UNC79: variants seen among roughly 807,000 people sequenced by gnomAD.
The protein encoded by UNC79 is protein unc-79 homolog.
A neutral mutation model predicts 283.1 loss-of-function variants in UNC79; 37 were observed. The observed-to-expected ratio is 0.13, with a 90% confidence interval of 0.10 to 0.17. The LOEUF is 0.17. Ranked by LOEUF, UNC79 falls within the 10% of genes least tolerant of loss-of-function variation. The pLI is 1.00. For synonymous variants in UNC79, 1,107 were observed against 1,200.2 expected (o/e 0.92, Z 1.61); for missense variants, 2,272 against 3,211.1 (o/e 0.71, Z 7.07).
intron 7 of UNC79, among the ~76,000 whole-genome samples, chr14:93,513,080 T>G (rs2059900976): frequency 6.6e-6 from 1 of 152,176 alleles, no homozygotes; most frequent in South Asian, 2.1e-4. Context: ...GCTTTATTTA[T>G]TTTTATTTTA....
chr14:93,551,923 A>G lies in UNC79; in HGVS notation c.1755+9227A>G, dbSNP rs982349378. Among the ~76,000 whole-genome samples the G allele has an allele frequency of 2.6e-5, 4 of 152,228 alleles. No homozygotes were observed. The East Asian group carries it at 7.7e-4, about 29-fold the overall frequency. On this transcript the variant is annotated intron_variant, in intron 14 of 48. Transcript: ENST00000555664. ...TGTCCCTGTCTAACCTCAGAGGAAC[A>G]TAGAAATCTCTCACTGACTGTTCTA...
chr14:93,682,786 G>A, intron 42 of UNC79, 92 bp downstream of exon 45: 1 of 1,253,452 alleles, frequency 8.0e-7, no homozygotes, highest in South Asian at 1.3e-5. Flanking sequence ...AGGGTTTGAG[G>A]CCTGCCATTT....
intron 25 of UNC79, 139 bp downstream of exon 25, chr14:93,600,909 A>C: frequency 1.2e-6 from 1 of 859,966 alleles, no homozygotes; most frequent in Non-Finnish European, 1.8e-6. Context: ...TTAAATGATT[A>C]TTGAATAGCT....
intron 35 of UNC79, among the ~76,000 whole-genome samples, chr14:93,650,256 A>G (rs1294594921): frequency 6.6e-6 from 1 of 152,090 alleles, no homozygotes; most frequent in East Asian, 1.9e-4. Flanking sequence ...AAAAAAATAG[A>G]TCTATTGTGA....
intron 1 of UNC79, 25 bp from the exon 2 acceptor site, chr14:93,467,646 T>TGG: frequency 9.1e-7 from 1 of 1,099,322 alleles, no homozygotes. Context: ...TTTTTTTTTT[T>TGG]TTTTTTTTTT....
chr14:93,514,207 G>A (rs1449217219), intron 7 of UNC79, among the ~76,000 whole-genome samples: 1 of 152,104 alleles, frequency 6.6e-6, no homozygotes, highest in East Asian at 1.9e-4. Context: ...AGGGAAAAAG[G>A]AAAAGACATT....
At chr14:93,682,217 G>T (rs1210026732) in intron 41 of UNC79, among the ~76,000 whole-genome samples, 3 of 152,148 alleles carry the variant, frequency 2.0e-5, no homozygotes, top group Non-Finnish European at 4.4e-5. Flanking sequence ...GAGGTTGATT[G>T]TTTTTCTGGT....
chr14:93,480,734 G>A (rs56728875), intron 4 of UNC79, among the ~76,000 whole-genome samples: 2,139 of 152,146 alleles, frequency 0.014, 53 homozygotes, highest in African/African-American at 0.049. Context: ...TCCGTGTGTC[G>A]TATTCATGTT....
intron 1 of UNC79, among the ~76,000 whole-genome samples, chr14:93,409,414 G>A (rs1472546625): frequency 1.3e-5 from 2 of 152,210 alleles, no homozygotes; most frequent in African/African-American, 4.8e-5. Context: ...GGTATAGCCA[G>A]GTGCAGTGGC....
At chr14:93,558,405 AATT>A (rs1223566398) in intron 14 of UNC79, among the ~76,000 whole-genome samples, 1 of 151,738 alleles carries the variant, frequency 6.6e-6, no homozygotes, top group Non-Finnish European at 1.5e-5. Flanking sequence ...AAATACAAAA[AATT>A]AGCCCGGTGC....
At chr14:93,618,048 C>A in intron 28 of UNC79, 144 bp from the exon 30 acceptor site, 1 of 855,872 alleles carries the variant, frequency 1.2e-6, no homozygotes, top group South Asian at 2.1e-5. Flanking sequence ...AGGCCATGAG[C>A]AGAATTTGTT....
chr14:93,576,990 T>C (rs1041875088), intron 17 of UNC79, among the ~76,000 whole-genome samples: 27 of 132,140 alleles, frequency 2.0e-4, no homozygotes, highest in African/African-American at 5.5e-4. Flanking sequence ...TACAAAAAAA[T>C]TTTCAAAAAC....
chr14:93,639,425 C>A (rs2068817356), intron 32 of UNC79, among the ~76,000 whole-genome samples: 1 of 152,158 alleles, frequency 6.6e-6, no homozygotes, highest in African/African-American at 2.4e-5. Context: ...CTTCATTTAT[C>A]TTGGACTATT....
rs2068609890 is a variant in UNC79, at chr14:93,637,478, C to T, written c.5800+179C>T. The T allele has an allele frequency of 1.3e-5, 14 of 1,093,902 alleles. No individual in the cohort carries two copies. The South Asian group carries it at 1.3e-4, about 10-fold the overall frequency. 67.8% of individuals were successfully genotyped at this position (1,093,902 alleles called of 1,614,324 possible). ...ACATCTCATCTTTGAACATGGCCAA[C>T]AGTTCTTCCTTATAGTGACTTTCTA... On this transcript the variant is annotated intron_variant, in intron 32 of 48. Transcript: ENST00000555664.
chr14:93,695,383 G>C (rs1395877359), intron 47 of UNC79, among the ~76,000 whole-genome samples: 1 of 152,164 alleles, frequency 6.6e-6, no homozygotes, highest in Non-Finnish European at 1.5e-5. Context: ...GGGAAAACTT[G>C]ACTGTTACCA....
At chr14:93,635,551 C>G (rs1248808098) in intron 31 of UNC79, among the ~76,000 whole-genome samples, 1 of 152,048 alleles carries the variant, frequency 6.6e-6, no homozygotes, top group Non-Finnish European at 1.5e-5. Flanking sequence ...TCCACAAAAG[C>G]AAAATATTGA....
rs1295418639 is a variant in UNC79, at chr14:93,368,089, CTTTA to C, written c.-351+34567_-351+34570del. ...TCTGCTATATGACTTATCCTGGGAC[CTTTA>C]GTTAGGCCTGTTCTTCCAGTTTTGT... On this transcript the variant is annotated intron_variant, in intron 1 of 49. Coordinates refer to the UNC79 transcript ENST00000256339. 2.0e-5 allele frequency among the ~76,000 whole-genome samples: 3 copies of C among 152,286 alleles called. No homozygotes were observed. In the East Asian group the frequency reaches 5.8e-4, roughly 29 times the overall value.
chr14:93,578,545 A>G (rs968597677), intron 18 of UNC79, among the ~76,000 whole-genome samples: 4 of 151,690 alleles, frequency 2.6e-5, no homozygotes, highest in Non-Finnish European at 5.9e-5. Context: ...ATTCCCAAAT[A>G]CTCCTCCCCA....
chr14:93,615,743 AAAG>A (rs2066670144), intron 27 of UNC79, among the ~76,000 whole-genome samples: 4 of 143,332 alleles, frequency 2.8e-5, no homozygotes, highest in African/African-American at 8.4e-5. Flanking sequence ...AAAAAAAAAA[AAAG>A]AAAAGAAGAA....
Sources: gnomAD v4.1 joint callset for allele counts (sites outside exome capture counted in the v4.1 genomes callset) on GRCh38, gnomAD v4.1.1 for gene constraint, MANE v1.5 for transcripts, NCBI Gene and HGNC (gene_info 2026-07-23, HGNC 2026-07-21) for gene names.